The following PCSK5 variants were observed in gnomAD, a reference collection of about 807,000 sequenced individuals.
PCSK5 encodes the protein prohormone convertase 5.
In PCSK5, 129 loss-of-function variants were observed where a neutral mutation model predicts 233.2. That is an observed-to-expected ratio of 0.55 (90% CI 0.48 to 0.64). The LOEUF (loss-of-function observed/expected upper bound fraction) is 0.64. Among genes scored for constraint, PCSK5 ranks in the 30% least tolerant of loss-of-function variants. The pLI, the probability that PCSK5 is intolerant of heterozygous loss-of-function variation, is 0.00. For synonymous variants in PCSK5, 825 were observed against 879.2 expected, an observed-to-expected ratio of 0.94 and a Z score of 1.09; for missense variants, 2,076 against 2,430.1, an observed-to-expected ratio of 0.85 and a Z score of 3.06.
At chr9:75,950,726 T>C (rs1384492585) in intron 2 of PCSK5, among the ~76,000 whole-genome samples, 2 of 152,184 alleles carry the variant, frequency 1.3e-5, no homozygotes, top group African/African-American at 4.8e-5. Context: ...TACCAGCCAC[T>C]GCAAAAACAT....
In PCSK5 at chr9:75,891,204, G is replaced by T; in HGVS notation, c.23G>T (p.Cys8Phe). The T allele has an allele frequency of 6.7e-7, 1 of 1,487,974 alleles. No homozygotes were observed. The highest frequency in any genetic ancestry group is 1.4e-5 in the South Asian group (1 of 70,850). 92.2% of individuals were successfully genotyped at this position (1,487,974 alleles called of 1,614,324 possible). A position where few individuals can be genotyped will look rare whatever the true frequency, so the allele number is the denominator to read the frequency against. The change falls in exon 1 of 38, where the codon TGC (cysteine) becomes TTC (phenylalanine). Residue 8 changes from cysteine to phenylalanine, a missense_variant. Cys to Phe is a radical substitution (Grantham distance 205). Around this residue, in one of 6 missense-constraint regions of PCSK5, gnomAD observed 190 missense variants for 216.3 expected, o/e 0.88. Transcript: ENST00000674117. The part of the protein sequence containing the change: MGWGSRC[C>F]CPGRLDLLCV... ...ACCATGGGCTGGGGGAGCCGCTGCT[G>T]CTGCCCGGGACGTTTGGACCTGCTG...
intron 20 of PCSK5, among the ~76,000 whole-genome samples, chr9:76,221,255 C>CAGTA (rs1001490610): frequency 2.4e-4 from 37 of 152,146 alleles, no homozygotes; most frequent in African/African-American, 8.5e-4. Context: ...GTTTGTTTCA[C>CAGTA]AGTAAATTCC....
At chr9:76,179,723 C>T (rs1823763330) in intron 15 of PCSK5, 25 bp downstream of exon 15, 1 of 1,492,260 alleles carries the variant, frequency 6.7e-7, no homozygotes, top group African/African-American at 1.4e-5. Flanking sequence ...AAGTCACATC[C>T]CCACAGCATG....
chr9:76,283,166 C>T lies in PCSK5; in HGVS notation c.3143-9067C>T, dbSNP rs113746686. The stretch of plus-strand genomic sequence containing the variant: ...TGAAAACAAATGATTTAGAATATTA[C>T]ATAAATTTAGTTGATAAAGTAGCAG... On this transcript the variant is annotated intron_variant, in intron 24 of 37. Transcript: ENST00000674117. Among the ~76,000 whole-genome samples the T allele has an allele frequency of 7.9e-3, 1,206 of 152,290 alleles. 14 individuals are homozygous for T. The highest frequency in any genetic ancestry group is 0.027 in the African/African-American group (1,135 of 41,546).
chr9:76,355,108 C>T (rs967398355), intron 37 of PCSK5, among the ~76,000 whole-genome samples: 1 of 152,170 alleles, frequency 6.6e-6, no homozygotes, highest in Non-Finnish European at 1.5e-5. Context: ...CGTCTAACCC[C>T]ATCCATGTGG....
chr9:76,026,894 C>A, intron 4 of PCSK5, 67 bp from the exon 5 acceptor site: 2 of 1,022,052 alleles, frequency 2.0e-6, no homozygotes, highest in East Asian at 2.5e-5. Flanking sequence ...ATGCATGAGC[C>A]TGTGGGTCAT....
At chr9:76,147,947 C>G (rs1450011896) in intron 10 of PCSK5, among the ~76,000 whole-genome samples, 3 of 152,060 alleles carry the variant, frequency 2.0e-5, no homozygotes. Flanking sequence ...AAAAAGAAAA[C>G]CTTTTCCATT....
chr9:76,048,995 T>C (rs1450089877), intron 5 of PCSK5, among the ~76,000 whole-genome samples: 7 of 152,172 alleles, frequency 4.6e-5, no homozygotes, highest in Non-Finnish European at 2.9e-5. Flanking sequence ...TTTATCATAT[T>C]TATCCTTTAT....
Position 75,928,596 on chromosome 9 carries a change from CATATATAT to C in PCSK5, c.193-3747_193-3740del, listed in dbSNP as rs61537466. Among the ~76,000 whole-genome samples the C allele has an allele frequency of 9.5e-3, 653 of 68,402 alleles. 4 individuals are homozygous for C. Among genetic ancestry groups the C allele is most frequent in the East Asian group, 0.026 (45 of 1,752 alleles). The allele number at this position is 68,402 out of a possible 152,430, so 44.9% of individuals were successfully genotyped here. On this transcript the variant is annotated intron_variant, in intron 1 of 37. Transcript: ENST00000674117. ...ATAAACATGCTTTTACATATAAATA[CATATATAT>C]ATATATATATATATATATATATATA...
chr9:76,034,692 A>G (rs918180894), intron 5 of PCSK5, among the ~76,000 whole-genome samples: 4 of 152,092 alleles, frequency 2.6e-5, no homozygotes, highest in African/African-American at 9.7e-5. Context: ...GTTTCACAGC[A>G]CCTGTGAACT....
chr9:76,029,452 G>C (rs559626684), intron 5 of PCSK5, among the ~76,000 whole-genome samples: 1 of 152,238 alleles, frequency 6.6e-6, no homozygotes, highest in Non-Finnish European at 1.5e-5. Context: ...TCTCTTTCCA[G>C]TCCTTATTTT....
intron 12 of PCSK5, among the ~76,000 whole-genome samples, chr9:76,163,574 C>T (rs1251093599): frequency 6.6e-6 from 1 of 152,074 alleles, no homozygotes. Flanking sequence ...TGCCCTCCCA[C>T]CCTCTTGGTT....
intron 3 of PCSK5, among the ~76,000 whole-genome samples, chr9:75,998,136 A>G (rs1271979486): frequency 1.3e-5 from 2 of 152,200 alleles, no homozygotes; most frequent in South Asian, 2.1e-4. Flanking sequence ...TTACCTAGTG[A>G]TAGAGAAATC....
At chr9:76,242,530 T>C (rs564749285) in intron 24 of PCSK5, among the ~76,000 whole-genome samples, 7 of 152,292 alleles carry the variant, frequency 4.6e-5, no homozygotes, top group African/African-American at 1.7e-4. Flanking sequence ...GCTAATTACC[T>C]GGGAAGCAAA....
chr9:75,931,410 A>C (rs537733285), intron 1 of PCSK5, among the ~76,000 whole-genome samples: 5 of 152,250 alleles, frequency 3.3e-5, no homozygotes, highest in Admixed American at 3.3e-4. Flanking sequence ...CAAAGAATGG[A>C]ATCTGGGCGC....
Position 76,159,040 on chromosome 9 carries a change from T to C in PCSK5, c.1488T>C (p.Asp496=). 2 of 1,614,156 alleles carry C rather than the reference T, an allele frequency of 1.2e-6. No individual in the cohort carries two copies. The highest frequency in any genetic ancestry group is 1.7e-6 in the Non-Finnish European group (2 of 1,180,000). The change falls in exon 12 of 38, where the codon GAT becomes GAC. Residue 496 remains aspartate, a synonymous_variant. Coordinates refer to ENST00000674117, the MANE Select transcript of PCSK5 (RefSeq NM_001372043.1). ...RSIYKASGCS[D]NPNRHVNYLE... is the part of the protein sequence containing the mutation. ...TCTACAAAGCTTCAGGCTGCTCGGA[T>C]AACCCCAACCGCCATGTCAACTACC... is the stretch of plus-strand genomic sequence containing the variant.
At chr9:76,265,268 G>C (rs962543909) in intron 24 of PCSK5, among the ~76,000 whole-genome samples, 4 of 152,092 alleles carry the variant, frequency 2.6e-5, no homozygotes, top group African/African-American at 9.7e-5. Flanking sequence ...AGGAAAGGGA[G>C]GGAGGGGGAG....
intron 29 of PCSK5, among the ~76,000 whole-genome samples, chr9:76,309,334 A>G (rs1828795150): frequency 6.6e-6 from 1 of 152,226 alleles, no homozygotes; most frequent in Non-Finnish European, 1.5e-5. Context: ...AAAAACAAAA[A>G]TCACAAATAA....
chr9:76,057,956 C>G (rs1056347887), intron 5 of PCSK5, among the ~76,000 whole-genome samples: 1 of 151,592 alleles, frequency 6.6e-6, no homozygotes, highest in African/African-American at 2.4e-5. Context: ...CCAGCCTCAG[C>G]CTTCTGAGTA....
Sources: gnomAD v4.1 joint callset for allele counts (sites outside exome capture counted in the v4.1 genomes callset) on GRCh38, gnomAD v4.1.1 for gene constraint, gnomAD v4.1.1 regional missense constraint, MANE v1.5 for transcripts, NCBI Gene and HGNC (gene_info 2026-07-23, HGNC 2026-07-21) for gene names.